The following RPL7A variants were observed in gnomAD, a reference collection of about 807,000 sequenced individuals.
The protein encoded by RPL7A is ribosomal protein L7a, also known as large ribosomal subunit protein eL8.
For synonymous variants in RPL7A, 158 were observed against 128.2 expected, an observed-to-expected ratio of 1.23 and a Z score of -1.57; for missense variants, 291 against 338.2, an observed-to-expected ratio of 0.86 and a Z score of 1.09.
intron 1 of RPL7A, 130 bp downstream of exon 1, chr9:133,348,376 C>G: frequency 7.8e-7 from 1 of 1,285,092 alleles, no homozygotes; most frequent in East Asian, 2.3e-5. Flanking sequence ...CGGTGTGGCA[C>G]GGAGACACCG....
chr9:133,350,385 A>T lies in RPL7A; in HGVS notation c.495+66A>T, dbSNP rs1213613048. On this transcript the variant is annotated intron_variant, in intron 5 of 7. Coordinates refer to ENST00000323345, the MANE Select transcript of RPL7A (RefSeq NM_000972.3). Reference sequence around the variant, plus strand: ...AGTACCAGGAAGAGAGAGTAGACCTAATGCCAAGTCAGTGATGGGACCGAA... The same window carrying T: ...AGTACCAGGAAGAGAGAGTAGACCTTATGCCAAGTCAGTGATGGGACCGAA... 6 of 1,583,036 alleles carry T rather than the reference A, an allele frequency of 3.8e-6. No individual in the cohort carries two copies. The East Asian group carries it at 1.3e-4, about 35-fold the overall frequency.
Position 133,349,025 on chromosome 9 carries a change from C to T in RPL7A, c.107C>T (p.Pro36Leu). 2 of 1,613,898 alleles carry T rather than the reference C, an allele frequency of 1.2e-6. No individual in the cohort carries two copies. Among genetic ancestry groups the T allele is most frequent in the South Asian group, 1.1e-5 (1 of 91,062 alleles). ...KVVNPLFEKRPKNFGIGQDIQ... is the reference protein window; with the variant it reads ...KVVNPLFEKRLKNFGIGQDIQ... Reference sequence around the variant, plus strand: ...GTGAATCCCCTGTTTGAGAAAAGGCCTAAGAATTTTGGCATTGGTAAGTAA... The same window carrying T: ...GTGAATCCCCTGTTTGAGAAAAGGCTTAAGAATTTTGGCATTGGTAAGTAA... Residue 36 changes from proline to leucine, a missense_variant, in exon 2 of 8, where the codon CCT becomes CTT. By Grantham distance (98) the Pro-to-Leu change is moderately conservative (BLOSUM62 -3). Coordinates refer to ENST00000323345, the MANE Select transcript of RPL7A (RefSeq NM_000972.3).
intron 1 of RPL7A, 33 bp downstream of exon 1, chr9:133,348,279 C>T (rs587656242): frequency 3.1e-6 from 5 of 1,614,076 alleles, no homozygotes; most frequent in Admixed American, 1.7e-5. Context: ...GCACTATAGC[C>T]AGGTTCCGGC....
chr9:133,349,940 G>A lies in RPL7A; in HGVS notation c.303G>A (p.Lys101=). The A allele has an allele frequency of 3.1e-6, 5 of 1,611,776 alleles. No individual in the cohort carries two copies. The highest frequency in any genetic ancestry group is 2.2e-5 in the South Asian group (2 of 91,002). ...CTCAGCTGCTTAAGCTGGCCCACAA[G>A]TACAGACCAGAGACAAAGCAAGAGA... ...TATQLLKLAH[K]YRPETKQEKK... Residue 101 remains lysine (K), a synonymous_variant, in exon 4 of 8, where the codon AAG becomes AAA. Transcript: ENST00000323345.
rs1340556012 is a variant in RPL7A at position 133,350,944 on chromosome 9, A to G, written c.627-58A>G. 7.0e-6 allele frequency: 11 copies of G among 1,581,702 alleles called. No homozygotes were observed. The African/African-American group carries it at 8.1e-5, about 12-fold the overall frequency. ...GTCTTGAGCTAAAAGGTATTTTTGC[A>G]TTCTAAAAGGGAAACTAAGGCAAAA... is the stretch of plus-strand genomic sequence containing the variant. On this transcript the variant is annotated intron_variant, in intron 6 of 7. Transcript: ENST00000323345.
intron 1 of RPL7A, chr9:133,348,579 C>A: frequency 1.7e-6 from 1 of 593,570 alleles, no homozygotes; most frequent in African/African-American, 1.9e-5. Flanking sequence ...GCCTTGTGAG[C>A]GACGAGTTCT....
chr9:133,349,007 C>G lies in RPL7A; in HGVS notation c.89C>G (p.Pro30Arg). 6.2e-7 allele frequency: 1 copy of G among 1,614,020 alleles called. No individual in the cohort carries two copies. Among genetic ancestry groups the G allele is most frequent in the Non-Finnish European group, 8.5e-7 (1 of 1,179,986 alleles). ...CAGGAGGCTAAGAAAGTGGTGAATC[C>G]CCTGTTTGAGAAAAGGCCTAAGAAT... ...KKQEAKKVVN[P>R]LFEKRPKNFG... The change falls in exon 2 of 8, where the codon CCC becomes CGC. Residue 30 changes from proline to arginine, a missense_variant. Transcript: ENST00000323345.
chr9:133,349,818 A>G (rs1836332020), intron 3 of RPL7A, 94 bp from the exon 4 acceptor site: 2 of 1,583,744 alleles, frequency 1.3e-6, no homozygotes, highest in Non-Finnish European at 1.7e-6. Context: ...TTATAGTCAT[A>G]TAGCAGGACC....
chr9:133,348,392 G>A (rs1404075275), intron 1 of RPL7A, 146 bp downstream of exon 1: 2 of 1,147,532 alleles, frequency 1.7e-6, no homozygotes, highest in Admixed American at 3.7e-5. Flanking sequence ...CACCGAGGTG[G>A]ATTAGAGCCC....
At chr9:133,348,609 C>T (rs1836282962) in intron 1 of RPL7A, 8 of 617,168 alleles carry the variant, frequency 1.3e-5, no homozygotes, top group Admixed American at 1.2e-4. Flanking sequence ...CCTGTTGCTT[C>T]TAGAGCCTGT....
chr9:133,350,795 T>C (rs2129996136), intron 6 of RPL7A, 68 bp downstream of exon 6: 7 of 1,603,970 alleles, frequency 4.4e-6, no homozygotes, highest in African/African-American at 4.0e-5. Flanking sequence ...GTTGTTTCCT[T>C]TTGCCTTAAA....
rs145490675 is a variant in RPL7A at position 133,350,811 on chromosome 9, A to G, written c.626+84A>G. The G allele has an allele frequency of 2.5e-4, 403 of 1,587,154 alleles. 11 individuals are homozygous for G. The highest frequency in any genetic ancestry group is 4.7e-4 in the East Asian group (21 of 44,572). On this transcript the variant is annotated intron_variant, in intron 6 of 7. Transcript: ENST00000323345. The stretch of plus-strand genomic sequence containing the variant: ...TTGTTTCCTTTTGCCTTAAAGGCCA[A>G]TCTTTTAGTTTAAGAAATATATTTA...
chr9:133,348,799 G>A (rs2129981007), intron 1 of RPL7A, 123 bp from the exon 2 acceptor site: 2 of 1,489,674 alleles, frequency 1.3e-6, no homozygotes, highest in Non-Finnish European at 1.9e-6. Context: ...GCAGAAAGCT[G>A]CTCGCCAGCT....
chr9:133,350,001 G>T lies in RPL7A; in HGVS notation c.364G>T (p.Ala122Ser). Residue 122 changes from alanine (A) to serine (S), a missense_variant, in exon 4 of 8, where the codon GCT (alanine) becomes TCT (serine). Physicochemically the swap from Ala to Ser is moderately conservative, Grantham distance 99. Coordinates refer to ENST00000323345, the MANE Select transcript of RPL7A (RefSeq NM_000972.3). ...ACTGTTGGCCCGGGCCGAGAAGAAG[G>T]CTGCTGGCAAAGGGGACGTCCCAAC... ...QRLLARAEKKAAGKGDVPTKR... is the reference protein window; with the variant it reads ...QRLLARAEKKSAGKGDVPTKR... The T allele has an allele frequency of 1.9e-6, 3 of 1,613,008 alleles. No homozygotes were observed. The highest frequency in any genetic ancestry group is 2.5e-6 in the Non-Finnish European group (3 of 1,180,040).
chr9:133,351,289 C>T lies in RPL7A; in HGVS notation c.724C>T (p.Leu242=), dbSNP rs1001525942. ...EIRRHWGGNV[L]GPKSVARIAK... is the part of the protein sequence containing the mutation. ...CCGCCGTCACTGGGGTGGCAATGTCCTGGGTCCTAAGTCTGTGGCTCGTAT... is the reference window on the plus strand; with the variant it reads ...CCGCCGTCACTGGGGTGGCAATGTCTTGGGTCCTAAGTCTGTGGCTCGTAT... Residue 242 remains leucine, a synonymous_variant, in exon 8 of 8, where the codon CTG becomes TTG. Transcript: ENST00000323345. The T allele has an allele frequency of 1.9e-6, 3 of 1,614,104 alleles. No individual in the cohort carries two copies. In the Admixed American group the frequency reaches 5.0e-5, roughly 27 times the overall value.
intron 1 of RPL7A, 91 bp from the exon 2 acceptor site, chr9:133,348,831 G>A: frequency 6.2e-7 from 1 of 1,601,108 alleles, no homozygotes; most frequent in South Asian, 1.1e-5. Flanking sequence ...GGTGCTGTCA[G>A]CGTCCCTTGT....
intron 5 of RPL7A, 87 bp from the exon 6 acceptor site, chr9:133,350,510 C>CTTT (rs2129994258): frequency 1.2e-6 from 2 of 1,604,290 alleles, no homozygotes; most frequent in East Asian, 2.2e-5. Flanking sequence ...AATCCATGAG[C>CTTT]TTTTTAACCC....
In RPL7A at chr9:133,351,038, T is replaced by C. The variant is rs1246996990; in HGVS notation, c.663T>C (p.Ala221=). The C allele has an allele frequency of 4.3e-6, 7 of 1,614,156 alleles. No homozygotes were observed. Among genetic ancestry groups the C allele is most frequent in the Admixed American group, 3.3e-5 (2 of 60,020 alleles). ...GCGCTTTGGCTAAGCTGGTGGAAGC[T>C]ATCAGGACCAATTACAATGACAGAT... The part of the protein sequence containing the change: ...DKGALAKLVE[A]IRTNYNDRYD... Residue 221 remains alanine, a synonymous_variant, in exon 7 of 8, where the codon GCT becomes GCC. Transcript: ENST00000323345.
intron 1 of RPL7A, chr9:133,348,653 G>T (rs1403461022): frequency 3.0e-6 from 2 of 677,048 alleles, no homozygotes; most frequent in Admixed American, 2.1e-5. Context: ...TGAGTCCGGG[G>T]TGTCTCCTGG....
Sources: allele counts gnomAD v4.1 joint callset, GRCh38; gene constraint gnomAD v4.1.1; transcripts MANE v1.5; gene names NCBI Gene and HGNC (gene_info 2026-07-23, HGNC 2026-07-21).